Variants in PLCL1 observed in about 807,000 individuals in gnomAD.
The protein encoded by PLCL1 is inactive phospholipase C-like protein 1.
In PLCL1, 41 loss-of-function variants were observed where a neutral mutation model predicts 84.4. That is an observed-to-expected ratio of 0.49 (90% CI 0.38 to 0.63). PLCL1 has a LOEUF of 0.63. PLCL1 is among the 30% of genes least tolerant of loss of function. The probability of loss-of-function intolerance (pLI) is 0.00; values close to 1 mark genes in which losing one functional copy is unlikely to be tolerated. For missense variants in PLCL1, 1,206 were observed against 1,367.8 expected, an observed-to-expected ratio of 0.88 and a Z score of 1.87; for synonymous variants, 490 against 488.3, an observed-to-expected ratio of 1.00 and a Z score of -0.05.
chr2:198,015,615 C>T (rs1393765954), intron 1 of PLCL1, among the ~76,000 whole-genome samples: 1 of 152,130 alleles, frequency 6.6e-6, no homozygotes, highest in Admixed American at 6.6e-5. Context: ...CCAGGTACTA[C>T]TTGTTAATAC....
chr2:197,896,705 A>C (rs1688142215), intron 1 of PLCL1, among the ~76,000 whole-genome samples: 1 of 151,980 alleles, frequency 6.6e-6, no homozygotes, highest in Admixed American at 6.6e-5. Context: ...TTGCTGCTTA[A>C]AGTTTGGTAA....
chr2:197,860,151 T>C (rs962296507), intron 1 of PLCL1, among the ~76,000 whole-genome samples: 1 of 152,152 alleles, frequency 6.6e-6, no homozygotes, highest in African/African-American at 2.4e-5. Context: ...CCTGTGTTAG[T>C]TTGCTAAGGA....
chr2:198,082,344 T>C (rs184048005), intron 1 of PLCL1, among the ~76,000 whole-genome samples: 2 of 152,178 alleles, frequency 1.3e-5, no homozygotes, highest in East Asian at 3.9e-4. Context: ...CTCGGGAGGC[T>C]GAGGCAGGAG....
At chr2:198,013,564 A>G (rs1038215982) in intron 1 of PLCL1, among the ~76,000 whole-genome samples, 2 of 152,108 alleles carry the variant, frequency 1.3e-5, no homozygotes, top group Non-Finnish European at 2.9e-5. Flanking sequence ...TTATTTGACT[A>G]CAGCTTAACT....
chr2:198,136,770 T>A (rs1574338670), intron 5 of PLCL1, among the ~76,000 whole-genome samples: 2 of 152,268 alleles, frequency 1.3e-5, no homozygotes, highest in South Asian at 2.1e-4. Flanking sequence ...GATTCATTAA[T>A]AATCTTCTTT....
At chr2:197,967,306 C>A (rs1011927242) in intron 1 of PLCL1, among the ~76,000 whole-genome samples, 1 of 152,212 alleles carries the variant, frequency 6.6e-6, no homozygotes, top group East Asian at 1.9e-4. Context: ...AAGCAATTCT[C>A]CTGCCTCAGC....
chr2:197,997,024 T>C (rs182396598), intron 1 of PLCL1, among the ~76,000 whole-genome samples: 2 of 152,294 alleles, frequency 1.3e-5, no homozygotes, highest in South Asian at 2.1e-4. Context: ...TTGTGCTTTG[T>C]CCTATTACCT....
chr2:197,908,051 C>G (rs1688417004), intron 1 of PLCL1, among the ~76,000 whole-genome samples: 1 of 152,160 alleles, frequency 6.6e-6, no homozygotes, highest in South Asian at 2.1e-4. Context: ...GAAGTGATCA[C>G]ATATTTAGCA....
chr2:197,873,437 C>T (rs1019465292), intron 1 of PLCL1, among the ~76,000 whole-genome samples: 6 of 151,942 alleles, frequency 3.9e-5, no homozygotes, highest in East Asian at 1.9e-4. Context: ...CACTTTGTGG[C>T]GGGGAACTTT....
rs554505582 is a variant in PLCL1, at chr2:197,829,964, A to T, written c.240+24625A>T. 3.3e-5 allele frequency among the ~76,000 whole-genome samples: 5 copies of T among 152,318 alleles called. No individual in the cohort carries two copies. In the East Asian group the frequency reaches 9.6e-4, roughly 29 times the overall value. On this transcript the variant is annotated intron_variant, in intron 1 of 5. Coordinates refer to ENST00000428675, the MANE Select transcript of PLCL1 (RefSeq NM_006226.4). ...TCATTTACAAGTATAAATAAATGAA[A>T]TCTAACAGTCACAAAATACCTTGAA...
chr2:198,141,477 CAA>C (rs60334474), intron 5 of PLCL1, among the ~76,000 whole-genome samples: 66 of 79,044 alleles, frequency 8.3e-4, no homozygotes, highest in Admixed American at 1.1e-3. Flanking sequence ...AGTGTAACAT[CAA>C]AAAAAAAAAA....
intron 1 of PLCL1, among the ~76,000 whole-genome samples, chr2:197,932,868 TA>T (rs1242713897): frequency 1.3e-5 from 2 of 152,138 alleles, no homozygotes; most frequent in Admixed American, 1.3e-4. Context: ...CTGTGAGTGT[TA>T]AAAGGAAAAA....
chr2:197,842,179 T>C (rs1469403311), intron 1 of PLCL1, among the ~76,000 whole-genome samples: 1 of 152,164 alleles, frequency 6.6e-6, no homozygotes, highest in Non-Finnish European at 1.5e-5. Context: ...CCTATAACCA[T>C]AGCCTACCTG....
chr2:197,951,521 A>G (rs968889897), intron 1 of PLCL1, among the ~76,000 whole-genome samples: 4 of 152,280 alleles, frequency 2.6e-5, no homozygotes, highest in Admixed American at 2.0e-4. Context: ...AGCTTCTGAC[A>G]GCCAGGTTTG....
chr2:198,101,348 T>C lies in PLCL1; in HGVS notation c.2983T>C (p.Cys995Arg). ...CACAGTCCAGGAAAAGATTGTACAG[T>C]GTCAGAAAGCAGGTAATTGTTTTTA... ...ADTVQEKIVQ[C>R]QKAGMEFHEE... The change falls in exon 4 of 6, where the codon TGT becomes CGT. Residue 995 changes from cysteine to arginine, a missense_variant. By Grantham distance (180) the Cys-to-Arg change is radical (BLOSUM62 -3). Coordinates refer to ENST00000428675, the MANE Select transcript of PLCL1 (RefSeq NM_006226.4). 2 of 1,556,322 alleles carry C rather than the reference T, an allele frequency of 1.3e-6. No homozygotes were observed. The highest frequency in any genetic ancestry group is 1.8e-6 in the Non-Finnish European group (2 of 1,138,018).
intron 1 of PLCL1, among the ~76,000 whole-genome samples, chr2:197,911,039 A>G (rs1423003317): frequency 6.6e-6 from 1 of 152,154 alleles, no homozygotes. Context: ...GGTATAATAC[A>G]CCTTATTCAA....
At chr2:197,930,263 A>G (rs1467385057) in intron 1 of PLCL1, among the ~76,000 whole-genome samples, 1 of 152,240 alleles carries the variant, frequency 6.6e-6, no homozygotes, top group African/African-American at 2.4e-5. Context: ...TCAGTCAAGG[A>G]GAATCTTTAA....
chr2:198,120,231 G>A (rs1397551900), intron 5 of PLCL1, among the ~76,000 whole-genome samples: 1 of 151,936 alleles, frequency 6.6e-6, no homozygotes. Context: ...GGGTACATAA[G>A]ATGTTTTGGT....
At chr2:197,822,668 T>C (rs1690842625) in intron 1 of PLCL1, among the ~76,000 whole-genome samples, 1 of 152,184 alleles carries the variant, frequency 6.6e-6, no homozygotes, top group African/African-American at 2.4e-5. Context: ...TTTGCCCAGA[T>C]TCACACAGTA....
Sources: allele counts gnomAD v4.1 joint callset (sites outside exome capture counted in the v4.1 genomes callset), GRCh38; gene constraint gnomAD v4.1.1; transcripts MANE v1.5; gene names NCBI Gene and HGNC (gene_info 2026-07-23, HGNC 2026-07-21).